The following METTL8 variants were observed in gnomAD, a reference collection of about 807,000 sequenced individuals.
METTL8 encodes methyltransferase 8, tRNA N3-cytidine.
METTL8 carries 32 observed loss-of-function variants against 48.7 expected under a neutral mutation model. The ratio of observed to expected loss-of-function variants is 0.66; its 90% CI spans 0.50 to 0.88. The LOEUF (loss-of-function observed/expected upper bound fraction) is 0.88. Ranked by LOEUF, METTL8 falls within the 40% of genes least tolerant of loss-of-function variation. The pLI is 0.00. For synonymous variants in METTL8, 136 were observed against 157.1 expected (o/e 0.87, Z 1.01); for missense variants, 464 against 474.4 (o/e 0.98, Z 0.20).
At chr2:171,350,695 G>A (rs1312763129) in intron 3 of METTL8, among the ~76,000 whole-genome samples, 5 of 152,164 alleles carry the variant, frequency 3.3e-5, no homozygotes, top group African/African-American at 1.2e-4. Context: ...GTTTTGATTT[G>A]CATTTCCCTG....
At chr2:171,392,324 G>T in intron 1 of METTL8, 127 bp from the exon 2 acceptor site, 1 of 686,950 alleles carries the variant, frequency 1.5e-6, no homozygotes, top group Non-Finnish European at 2.3e-6. Context: ...ACTTTTTAAT[G>T]AAAGATGAGC....
chr2:171,433,401 TC>T (rs1455736683), intron 1 of METTL8, among the ~76,000 whole-genome samples: 1 of 152,208 alleles, frequency 6.6e-6, no homozygotes. Flanking sequence ...TCGCTGGCTT[TC>T]TTTGAGCACC....
chr2:171,374,475 CT>C (rs1486150411), intron 2 of METTL8, among the ~76,000 whole-genome samples: 1 of 152,106 alleles, frequency 6.6e-6, no homozygotes, highest in Non-Finnish European at 1.5e-5. Flanking sequence ...ATGGAAGTAA[CT>C]TTTTTTAAGG....
At chr2:171,431,017 G>GA (rs1248092637) in intron 1 of METTL8, among the ~76,000 whole-genome samples, 1 of 152,174 alleles carries the variant, frequency 6.6e-6, no homozygotes, top group Non-Finnish European at 1.5e-5. Context: ...AGCCATGCCA[G>GA]AAGAGAGGCC....
intron 1 of METTL8, among the ~76,000 whole-genome samples, chr2:171,405,280 G>C (rs529406546): frequency 6.6e-6 from 1 of 152,204 alleles, no homozygotes; most frequent in Admixed American, 6.5e-5. Context: ...GGTGGCTGAA[G>C]TCGAGAGGGA....
intron 3 of METTL8, among the ~76,000 whole-genome samples, chr2:171,344,086 A>G (rs1687041469): frequency 6.6e-6 from 1 of 152,218 alleles, no homozygotes; most frequent in African/African-American, 2.4e-5. Context: ...AAGAAATCAG[A>G]TAATTACATA....
intron 1 of METTL8, among the ~76,000 whole-genome samples, chr2:171,423,730 G>C (rs958775227): frequency 1.3e-5 from 2 of 152,204 alleles, no homozygotes; most frequent in Non-Finnish European, 2.9e-5. Context: ...TGCTCAAGAG[G>C]AAGCAGAGCA....
Position 171,432,338 on chromosome 2 carries a change from A to G in METTL8, c.-13+1545T>C, listed in dbSNP as rs371942932. Among the ~76,000 whole-genome samples, 9 of 152,308 alleles carry G rather than the reference A, an allele frequency of 5.9e-5. No individual in the cohort carries two copies. In the East Asian group the frequency reaches 1.2e-3, roughly 20 times the overall value. On this transcript the variant is annotated intron_variant, in intron 1 of 9. Transcript: ENST00000375258. Reference sequence around the variant, plus strand: ...CTTAGGTGAAATGAAGATGAGATGGATAAGAGTCTAAAGGACTTGGTTGTG... The same window carrying G: ...CTTAGGTGAAATGAAGATGAGATGGGTAAGAGTCTAAAGGACTTGGTTGTG...
chr2:171,409,612 C>G (rs55792246), intron 1 of METTL8, among the ~76,000 whole-genome samples: 114 of 152,194 alleles, frequency 7.5e-4, no homozygotes, highest in Middle Eastern at 3.4e-3. Flanking sequence ...CAAGTAGACA[C>G]GGCATAGATG....
intron 2 of METTL8, among the ~76,000 whole-genome samples, chr2:171,388,928 G>T (rs1361275622): frequency 6.6e-6 from 1 of 152,140 alleles, no homozygotes; most frequent in Non-Finnish European, 1.5e-5. Context: ...ATTGATAAAT[G>T]TTATGTGTGT....
At chr2:171,397,866 C>G (rs1689264147) in intron 1 of METTL8, among the ~76,000 whole-genome samples, 2 of 152,050 alleles carry the variant, frequency 1.3e-5, no homozygotes, top group Non-Finnish European at 1.5e-5. Context: ...CAAAATAACA[C>G]AAGAGAAAAT....
chr2:171,432,651 T>C (rs552359713), intron 1 of METTL8, among the ~76,000 whole-genome samples: 1 of 152,132 alleles, frequency 6.6e-6, no homozygotes, highest in Non-Finnish European at 1.5e-5. Flanking sequence ...ATGCTGTAAA[T>C]AAGTCATGAA....
chr2:171,347,826 TCCAACCCTAATAC>T (rs1683440717), intron 3 of METTL8, among the ~76,000 whole-genome samples: 2 of 152,202 alleles, frequency 1.3e-5, no homozygotes, highest in Non-Finnish European at 2.9e-5. Context: ...CACCCTCGAA[TCCAACCCTAATAC>T]TCTCTGGCCA....
At chr2:171,396,174 A>T (rs113572443) in intron 1 of METTL8, among the ~76,000 whole-genome samples, 66 of 152,138 alleles carry the variant, frequency 4.3e-4, no homozygotes, top group African/African-American at 1.6e-3. Context: ...AGGCACAAGA[A>T]TCACTTGAAC....
intron 1 of METTL8, among the ~76,000 whole-genome samples, chr2:171,399,433 C>T (rs1689430889): frequency 6.6e-6 from 1 of 152,098 alleles, no homozygotes; most frequent in Non-Finnish European, 1.5e-5. Context: ...GACTTGGGTT[C>T]AGCATACATA....
chr2:171,330,796 C>A (rs1685449649), intron 6 of METTL8, 98 bp from the exon 7 acceptor site: 10 of 951,666 alleles, frequency 1.1e-5, no homozygotes, highest in Non-Finnish European at 1.6e-5. Context: ...AACCTTTTCT[C>A]CCAAAAGCCT....
intron 3 of METTL8, among the ~76,000 whole-genome samples, chr2:171,357,984 CT>C (rs1304885914): frequency 9.2e-5 from 14 of 152,120 alleles, no homozygotes; most frequent in Non-Finnish European, 1.5e-5. Flanking sequence ...GTGTGAGCCA[CT>C]TGTGCCTGGC....
Position 171,317,292 on chromosome 2 carries a change from A to G in METTL8, c.*6880T>C, listed in dbSNP as rs1161360432. The G allele has an allele frequency of 6.6e-6, 1 of 152,260 alleles. No individual in the cohort carries two copies. Among genetic ancestry groups the G allele is most frequent in the Non-Finnish European group, 1.5e-5 (1 of 68,040 alleles). The allele number at this position is 152,260 out of a possible 1,614,324, so 9.4% of individuals were successfully genotyped here. ...ATTTCTGCGTTTTCTGCAATGAACT[A>G]GGAGCAATGGATTGAAAATATTTGG... is the stretch of plus-strand genomic sequence containing the variant. On this transcript the variant is annotated 3_prime_UTR_variant, in exon 10 of 10. Transcript: ENST00000375258.
Position 171,375,068 on chromosome 2 carries a change from G to A in METTL8, c.144-14555C>T. On this transcript the variant is annotated intron_variant, in intron 2 of 9. Transcript: ENST00000375258. ...ATTGCACAACTCACACAGTAATATA[G>A]CTTCACATACAGCTTGGGAAGCACA... is the stretch of plus-strand genomic sequence containing the variant. 3.5e-6 allele frequency: 4 copies of A among 1,140,192 alleles called. No individual in the cohort carries two copies. In the Admixed American group the frequency reaches 5.0e-5, roughly 14 times the overall value. 70.6% of individuals were successfully genotyped at this position (1,140,192 alleles called of 1,614,324 possible). A position where few individuals can be genotyped will look rare whatever the true frequency, so the allele number is the denominator to read the frequency against.
Sources: allele counts gnomAD v4.1 joint callset (sites outside exome capture counted in the v4.1 genomes callset), GRCh38; gene constraint gnomAD v4.1.1; transcripts MANE v1.5; gene names NCBI Gene and HGNC (gene_info 2026-07-23, HGNC 2026-07-21).